The following PRAG1 variants were observed in gnomAD, a reference collection of about 807,000 sequenced individuals.
The protein encoded by PRAG1 is inactive tyrosine-protein kinase PRAG1.
Under a neutral mutation model 95.6 loss-of-function variants are expected in PRAG1, and 110 were observed. The ratio of observed to expected loss-of-function variants is 1.15; its 90% confidence interval spans 0.99 to 1.35. The LOEUF (loss-of-function observed/expected upper bound fraction) is 1.35, where lower values mean the gene tolerates loss of function less well. Among genes scored for constraint, PRAG1 ranks in the 40% most tolerant of loss-of-function variants. The pLI is 0.00. For synonymous variants in PRAG1, 1,052 were observed against 819.4 expected (o/e 1.28, Z -4.85); for missense variants, 2,554 against 1,864.7 (o/e 1.37, Z -6.81).
intron 3 of PRAG1, among the ~76,000 whole-genome samples, chr8:8,352,597 G>C (rs890181732): frequency 4.6e-5 from 7 of 152,154 alleles, no homozygotes; most frequent in African/African-American, 1.7e-4. Flanking sequence ...CTTCCTGTTA[G>C]TTCTTAAGTG....
At chr8:8,325,764 C>A (rs1023129326) in intron 5 of PRAG1, among the ~76,000 whole-genome samples, 1 of 151,846 alleles carries the variant, frequency 6.6e-6, no homozygotes, top group African/African-American at 2.4e-5. Flanking sequence ...CAAAAATTAG[C>A]CAGGCGTGGT....
At chr8:8,346,641 T>A (rs1017534819) in intron 3 of PRAG1, among the ~76,000 whole-genome samples, 5 of 152,196 alleles carry the variant, frequency 3.3e-5, no homozygotes, top group Admixed American at 3.3e-4. Flanking sequence ...CATCTAAAAA[T>A]ACCCCCGAAG....
intron 4 of PRAG1, among the ~76,000 whole-genome samples, chr8:8,330,294 A>C (rs1026820120): frequency 4.6e-5 from 7 of 152,176 alleles, no homozygotes; most frequent in African/African-American, 1.7e-4. Context: ...TGAACCTAGG[A>C]GTCAGAAATT....
At chr8:8,361,414 G>C (rs1033689172) in intron 3 of PRAG1, among the ~76,000 whole-genome samples, 2 of 152,180 alleles carry the variant, frequency 1.3e-5, no homozygotes, top group East Asian at 1.9e-4. Context: ...GGTCCGGAAG[G>C]GGGTACAGGG....
intron 3 of PRAG1, chr8:8,374,499 C>G (rs1339796305): frequency 1.8e-5 from 5 of 272,256 alleles, no homozygotes; most frequent in Non-Finnish European, 2.8e-5. Context: ...GCTGGTTACC[C>G]TAGCTTTCTA....
At position 8,377,670 on chromosome 8, in the gene PRAG1, C is replaced by A. The variant is rs34019705; in HGVS notation, c.739G>T (p.Asp247Tyr). The change falls in exon 3 of 6, where the codon GAC (aspartate) becomes TAC (tyrosine). Residue 247 changes from aspartate to tyrosine, a missense_variant. Transcript: ENST00000615670. ...DSDQRCSPSGDSEGGEYCSIL... is the reference protein window; with the variant it reads ...DSDQRCSPSGYSEGGEYCSIL... ...GAGCAGTACTCTCCACCCTCGCTGT[C>A]CCCGGAGGGCGAGCACCTTTGATCA... is the stretch of plus-strand genomic sequence containing the variant. 2.2e-4 allele frequency: 361 copies of A among 1,613,812 alleles called. No homozygotes were observed. The East Asian group carries it at 6.6e-3, about 29-fold the overall frequency.
chr8:8,369,591 T>C (rs991098681), intron 3 of PRAG1, among the ~76,000 whole-genome samples: 2 of 152,190 alleles, frequency 1.3e-5, no homozygotes, highest in Non-Finnish European at 2.9e-5. Context: ...AAACATTTCT[T>C]GAACATCTAC....
chr8:8,361,197 G>T (rs1309090886), intron 3 of PRAG1, among the ~76,000 whole-genome samples: 13 of 152,178 alleles, frequency 8.5e-5, no homozygotes, highest in Non-Finnish European at 2.9e-5. Context: ...TCCCTTAAAG[G>T]AAAGAACGTT....
In PRAG1 at chr8:8,328,139, A is replaced by G; in HGVS notation, c.2643T>C (p.Pro881=). The G allele has an allele frequency of 6.2e-7, 1 of 1,614,176 alleles. No homozygotes were observed. Among genetic ancestry groups the G allele is most frequent in the Non-Finnish European group, 8.5e-7 (1 of 1,180,028 alleles). Residue 881 remains proline, a synonymous_variant, in exon 5 of 6, where the codon CCT becomes CCC. Transcript: ENST00000615670. ...RHHPVFSSSD[P]LEKAFKGSGH... is the part of the protein sequence containing the mutation. ...CACTGCCTTTGAAAGCTTTCTCCAG[A>G]GGATCGGAAGAGGAGAAGACAGGAT...
intron 1 of PRAG1, among the ~76,000 whole-genome samples, chr8:8,382,551 A>G (rs983212174): frequency 6.6e-6 from 1 of 152,238 alleles, no homozygotes; most frequent in Non-Finnish European, 1.5e-5. Context: ...CAGTAGTAAG[A>G]CAAATTCATG....
At chr8:8,352,034 C>G (rs1183057388) in intron 3 of PRAG1, among the ~76,000 whole-genome samples, 1 of 152,130 alleles carries the variant, frequency 6.6e-6, no homozygotes, top group Non-Finnish European at 1.5e-5. Context: ...GGTGACCTTG[C>G]TTTCAGAATT....
Position 8,344,523 on chromosome 8 carries a change from G to C in PRAG1, c.2163-4888C>G, listed in dbSNP as rs1392635232. Among the ~76,000 whole-genome samples, 5 of 152,294 alleles carry C rather than the reference G, an allele frequency of 3.3e-5. No homozygotes were observed. In the East Asian group the frequency reaches 7.7e-4, roughly 23 times the overall value. On this transcript the variant is annotated intron_variant, in intron 3 of 5. Transcript: ENST00000615670. Reference sequence around the variant, plus strand: ...GGGTAGCAATGGGAGGTTGAAATGGGAATTGGATAGGGAGGGATCTTCCAC... The same window carrying C: ...GGGTAGCAATGGGAGGTTGAAATGGCAATTGGATAGGGAGGGATCTTCCAC...
chr8:8,374,896 C>T (rs1800327799), intron 3 of PRAG1, among the ~76,000 whole-genome samples: 1 of 152,042 alleles, frequency 6.6e-6, no homozygotes, highest in Non-Finnish European at 1.5e-5. Flanking sequence ...GACATCAGCC[C>T]AGAGGCACAT....
chr8:8,380,372 G>A (rs1800592047), intron 2 of PRAG1, among the ~76,000 whole-genome samples: 1 of 152,180 alleles, frequency 6.6e-6, no homozygotes, highest in Non-Finnish European at 1.5e-5. Flanking sequence ...GCTGAGGCAG[G>A]TGGATCACTT....
chr8:8,340,005 T>C (rs553224606), intron 3 of PRAG1, among the ~76,000 whole-genome samples: 9 of 152,352 alleles, frequency 5.9e-5, no homozygotes, highest in African/African-American at 1.7e-4. Flanking sequence ...TACACACCAA[T>C]GTATAGAGAC....
chr8:8,345,283 C>T (rs1281387275), intron 3 of PRAG1, among the ~76,000 whole-genome samples: 4 of 149,904 alleles, frequency 2.7e-5, no homozygotes, highest in East Asian at 2.0e-4. Flanking sequence ...GTAATCCCAG[C>T]ACTTTAGGAG....
At chr8:8,329,091 A>G (rs575435989) in intron 4 of PRAG1, among the ~76,000 whole-genome samples, 8 of 152,090 alleles carry the variant, frequency 5.3e-5, no homozygotes, top group Non-Finnish European at 8.8e-5. Context: ...TAACTGGCCA[A>G]TGGTAAAATT....
chr8:8,318,882 C>T lies in PRAG1; in HGVS notation c.3493G>A (p.Ala1165Thr), dbSNP rs780691307. 6 of 1,265,080 alleles carry T rather than the reference C, an allele frequency of 4.7e-6. No individual in the cohort carries two copies. Among genetic ancestry groups the T allele is most frequent in the Middle Eastern group, 2.9e-4 (1 of 3,394 alleles). The allele number at this position is 1,265,080 out of a possible 1,614,324, so 78.4% of individuals were successfully genotyped here. A position where few individuals can be genotyped will look rare whatever the true frequency, so the allele number is the denominator to read the frequency against. Residue 1165 changes from alanine to threonine, a missense_variant, in exon 6 of 6, where the codon GCC becomes ACC. Physicochemically the swap from Ala to Thr is moderately conservative, Grantham distance 58. Transcript: ENST00000615670. The surrounding 1 kb of genome is among the most constrained non-coding windows in gnomAD (Gnocchi z 4.2). ...HCTLQAGPGP[A>T]PAPAPAPAPA... is the part of the protein sequence containing the mutation. ...GCGGGAGCCGGGGCGGGGGCGGGGG[C>T]GGGCCCGGGGCCGGCCTGGAGGGTG...
In PRAG1 at chr8:8,318,898, C is replaced by T; in HGVS notation, c.3477G>A (p.Gln1159=). 6.4e-7 allele frequency: 1 copy of T among 1,573,080 alleles called. No individual in the cohort carries two copies. The highest frequency in any genetic ancestry group is 8.6e-7 in the Non-Finnish European group (1 of 1,158,464). ...GGGCGGGGGCGGGCCCGGGGCCGGC[C>T]TGGAGGGTGCAGTGCACCAGCAGCA... ...ENLLLVHCTL[Q]AGPGPAPAPA... The change falls in exon 6 of 6, where the codon CAG becomes CAA. Residue 1159 remains glutamine, a synonymous_variant. Coordinates refer to ENST00000615670, the MANE Select transcript of PRAG1 (RefSeq NM_001080826.3). This position sits in a 1 kb window ranked among gnomAD's most constrained non-coding sequence, Gnocchi z 4.2.
Sources: gnomAD v4.1 joint callset for allele counts (sites outside exome capture counted in the v4.1 genomes callset) on GRCh38, gnomAD v4.1.1 for gene constraint, Gnocchi (gnomAD v3.1) non-coding constraint, MANE v1.5 for transcripts, NCBI Gene and HGNC (gene_info 2026-07-23, HGNC 2026-07-21) for gene names.